The following ROR2 variants were observed in gnomAD, a reference collection of about 807,000 sequenced individuals.
ROR2 encodes ROR family WNT receptor 2, also known as tyrosine-protein kinase transmembrane receptor ROR2.
ROR2 carries 33 observed loss-of-function variants against 74.9 expected under a neutral mutation model. The ratio of observed to expected loss-of-function variants is 0.44; its 90% confidence interval spans 0.33 to 0.59. The LOEUF (loss-of-function observed/expected upper bound fraction) is 0.59, where lower values mean the gene tolerates loss of function less well. Ranked by LOEUF, ROR2 falls within the 20% of genes least tolerant of loss-of-function variation. ROR2 has a pLI of 0.02. For synonymous variants in ROR2, 586 were observed against 558.7 expected (o/e 1.05, Z -0.69); for missense variants, 1,216 against 1,313.8 (o/e 0.93, Z 1.15).
Position 91,724,436 on chromosome 9 carries a change from G to T in ROR2, c.2058C>A (p.Phe686Leu), listed in dbSNP as rs191107364. The T allele has an allele frequency of 6.8e-6, 11 of 1,614,216 alleles. No homozygotes were observed. The highest frequency in any genetic ancestry group is 2.5e-6 in the Non-Finnish European group (3 of 1,180,036). The change falls in exon 9 of 9, where the codon TTC becomes TTA. Residue 686 changes from phenylalanine (F) to leucine (L), a missense_variant. Transcript: ENST00000375708. ...WSYGVVLWEV[F>L]SYGLQPYCGY... is the part of the protein sequence containing the mutation. ...CGCAGTAGGGCTGCAGGCCGTAGCTGAAGACCTCCCACAGGACCACACCGT... is the reference window on the plus strand; with the variant it reads ...CGCAGTAGGGCTGCAGGCCGTAGCTTAAGACCTCCCACAGGACCACACCGT...
At chr9:91,859,090 T>C (rs1829389150) in intron 1 of ROR2, among the ~76,000 whole-genome samples, 1 of 151,988 alleles carries the variant, frequency 6.6e-6, no homozygotes, top group African/African-American at 2.4e-5. Flanking sequence ...AGGCCCAGCC[T>C]GGTCAGTCCA....
chr9:91,845,245 G>A (rs1270568168), intron 1 of ROR2, among the ~76,000 whole-genome samples: 3 of 152,040 alleles, frequency 2.0e-5, no homozygotes, highest in African/African-American at 7.2e-5. Context: ...CCCAGGGTGA[G>A]AGCCTGTCCT....
At position 91,733,725 on chromosome 9, in the gene ROR2, C is replaced by G. The variant is rs1426674544; in HGVS notation, c.623-289G>C. On this transcript the variant is annotated intron_variant, in intron 5 of 8. Transcript: ENST00000375708. The surrounding 1 kb of genome is among the most constrained non-coding windows in gnomAD (Gnocchi z 5.7). ...AGCAGAACAAGAAAGAAGGAAAACTCGGCCCCCTAGCTCACTCCGCTAGGT... is the reference window on the plus strand; with the variant it reads ...AGCAGAACAAGAAAGAAGGAAAACTGGGCCCCCTAGCTCACTCCGCTAGGT... Among the ~76,000 whole-genome samples the G allele has an allele frequency of 1.3e-5, 2 of 151,880 alleles. No homozygotes were observed. The highest frequency in any genetic ancestry group is 2.9e-5 in the Non-Finnish European group (2 of 68,038).
intron 1 of ROR2, among the ~76,000 whole-genome samples, chr9:91,855,701 T>C (rs944056519): frequency 2.0e-5 from 3 of 151,960 alleles, no homozygotes; most frequent in African/African-American, 7.3e-5. Context: ...CATCATGACA[T>C]GGTGGCATGG....
At chr9:91,726,405 T>G in intron 8 of ROR2, 136 bp downstream of exon 8, 2 of 851,636 alleles carry the variant, frequency 2.3e-6, no homozygotes, top group Non-Finnish European at 3.8e-6. Context: ...AAAAAAAAAA[T>G]GGCAAAATGA....
chr9:91,740,289 C>CTG (rs1188526910), intron 4 of ROR2, among the ~76,000 whole-genome samples: 1 of 152,148 alleles, frequency 6.6e-6, no homozygotes, highest in African/African-American at 2.4e-5. Flanking sequence ...TGGCTCAAAC[C>CTG]TGTAATCCCA....
At chr9:91,852,566 T>C (rs1020004674) in intron 1 of ROR2, among the ~76,000 whole-genome samples, 1 of 151,116 alleles carries the variant, frequency 6.6e-6, no homozygotes, top group Non-Finnish European at 1.5e-5. Context: ...ACCAGGGAAC[T>C]TGAGCCCATC....
intron 1 of ROR2, among the ~76,000 whole-genome samples, chr9:91,926,816 T>C (rs1023913857): frequency 2.6e-5 from 4 of 151,952 alleles, no homozygotes; most frequent in African/African-American, 7.3e-5. Flanking sequence ...GAAAGGAGAA[T>C]TGGGGTTGCC....
chr9:91,731,014 C>A lies in ROR2; in HGVS notation c.1079G>T (p.Gly360Val), dbSNP rs200058508. The A allele has an allele frequency of 4.3e-6, 7 of 1,614,056 alleles. No individual in the cohort carries two copies. Among genetic ancestry groups the A allele is most frequent in the Admixed American group, 1.7e-5 (1 of 60,004 alleles). The stretch of plus-strand genomic sequence containing the variant: ...GGGGTTCCGGCAGTAGGCGTGCCCC[C>A]CTCCAAGCTCAGGGAAGTCTGTGCT... ...LSSTDFPELGGGHAYCRNPGG... is the reference protein window; with the variant it reads ...LSSTDFPELGVGHAYCRNPGG... The change falls in exon 7 of 9, where the codon GGG becomes GTG. Residue 360 changes from glycine to valine, a missense_variant. Transcript: ENST00000375708.
chr9:91,930,759 C>T (rs184446840), intron 1 of ROR2, among the ~76,000 whole-genome samples: 59 of 152,290 alleles, frequency 3.9e-4, no homozygotes, highest in Non-Finnish European at 2.2e-4. Context: ...AGCGGTGTTC[C>T]TGAAAAACAG....
At chr9:91,770,386 C>T (rs1826190333) in intron 2 of ROR2, among the ~76,000 whole-genome samples, 1 of 152,246 alleles carries the variant, frequency 6.6e-6, no homozygotes, top group South Asian at 2.1e-4. Context: ...CGGGGGCCCA[C>T]CCCAGCCTCA....
intron 5 of ROR2, among the ~76,000 whole-genome samples, chr9:91,734,046 C>T (rs951300772): frequency 2.0e-5 from 3 of 152,190 alleles, no homozygotes; most frequent in African/African-American, 7.2e-5. Flanking sequence ...GCAGAAAAAC[C>T]CGAAGATCCA....
At chr9:91,783,398 A>G (rs1826687848) in intron 1 of ROR2, among the ~76,000 whole-genome samples, 1 of 152,146 alleles carries the variant, frequency 6.6e-6, no homozygotes, top group Admixed American at 6.5e-5. Flanking sequence ...CCTCGCTGAG[A>G]AGGGATGGAT....
At chr9:91,778,004 C>A (rs746537249) in intron 1 of ROR2, among the ~76,000 whole-genome samples, 2 of 152,100 alleles carry the variant, frequency 1.3e-5, no homozygotes, top group African/African-American at 2.4e-5. Context: ...TACATGAGGC[C>A]GCAGAGATGA....
At chr9:91,904,080 G>A (rs887946245) in intron 1 of ROR2, among the ~76,000 whole-genome samples, 2 of 150,352 alleles carry the variant, frequency 1.3e-5, no homozygotes, top group Admixed American at 6.7e-5. Flanking sequence ...TCGCTCTGCC[G>A]CATAGGCTGG....
chr9:91,918,263 CAA>C (rs533398274), intron 1 of ROR2, among the ~76,000 whole-genome samples: 19 of 104,208 alleles, frequency 1.8e-4, no homozygotes, highest in Middle Eastern at 5.4e-3. Context: ...AGACTCGTCT[CAA>C]AAAAAAAAAA....
chr9:91,754,053 T>C (rs1354561306), intron 4 of ROR2, among the ~76,000 whole-genome samples: 2 of 151,496 alleles, frequency 1.3e-5, no homozygotes, highest in Non-Finnish European at 2.9e-5. Context: ...TTTACCTTTA[T>C]GACAAGGGAG....
chr9:91,832,590 A>T (rs1461271315), intron 1 of ROR2, among the ~76,000 whole-genome samples: 4 of 152,218 alleles, frequency 2.6e-5, no homozygotes, highest in Middle Eastern at 6.8e-3. Context: ...AAAGCAAAGC[A>T]GCGGCTTTTC....
chr9:91,920,801 C>G (rs983641989), intron 1 of ROR2, among the ~76,000 whole-genome samples: 2 of 152,198 alleles, frequency 1.3e-5, no homozygotes, highest in Non-Finnish European at 2.9e-5. Context: ...GCGGAGACCC[C>G]ACTATGGGGC....
Sources: allele counts gnomAD v4.1 joint callset (sites outside exome capture counted in the v4.1 genomes callset), GRCh38; gene constraint gnomAD v4.1.1; non-coding constraint Gnocchi (gnomAD v3.1); transcripts MANE v1.5; gene names NCBI Gene and HGNC (gene_info 2026-07-23, HGNC 2026-07-21).